The following RTEL1 variants were observed in gnomAD, a reference collection of about 807,000 sequenced individuals.
RTEL1 encodes the protein regulator of telomere elongation helicase 1, also known as regulator of telomere length.
RTEL1 carries 86 observed loss-of-function variants against 162.2 expected under a neutral mutation model. The ratio of observed to expected loss-of-function variants is 0.53; its 90% CI spans 0.45 to 0.63. The LOEUF (loss-of-function observed/expected upper bound fraction) is 0.63. Ranked by LOEUF, RTEL1 falls within the 30% of genes least tolerant of loss-of-function variation. The pLI, the probability that RTEL1 is intolerant of heterozygous loss-of-function variation, is 0.00. For synonymous variants in RTEL1, 958 were observed against 717.9 expected, an observed-to-expected ratio of 1.33 and a Z score of -5.35; for missense variants, 1,941 against 1,750.2, an observed-to-expected ratio of 1.11 and a Z score of -1.95.
chr20:63,693,276 C>T lies in RTEL1; in HGVS notation c.2985C>T (p.Asp995=), dbSNP rs762474261. 13 of 1,611,620 alleles carry T rather than the reference C, an allele frequency of 8.1e-6. No individual in the cohort carries two copies. The South Asian group carries it at 1.1e-4, about 14-fold the overall frequency. Residue 995 remains aspartate (D), a synonymous_variant, in exon 30 of 35, where the codon GAC becomes GAT. Coordinates refer to ENST00000360203, the MANE Select transcript of RTEL1 (RefSeq NM_001283009.2). Reference sequence around the variant, plus strand: ...GGCAGCGGGCACAGCCGGTCCTGGACCCCACTGGTAAATGGGGCCCCAGGT... The same window carrying T: ...GGCAGCGGGCACAGCCGGTCCTGGATCCCACTGGTAAATGGGGCCCCAGGT... ...PRRQRAQPVL[D]PTGRTAPDPK...
intron 14 of RTEL1, chr20:63,681,560 G>T: frequency 1.0e-6 from 1 of 985,298 alleles, no homozygotes; most frequent in Non-Finnish European, 1.2e-6. Context: ...TGCTTGAGCT[G>T]GGGGAGGCCG....
At chr20:63,693,053 C>A (rs371604935) in intron 29 of RTEL1, 50 bp downstream of exon 29, 5 of 1,609,718 alleles carry the variant, frequency 3.1e-6, no homozygotes, top group Non-Finnish European at 4.2e-6. Context: ...GCTGCCGCCG[C>A]GTGTGGGGTG....
chr20:63,677,042 G>C (rs35902944), intron 10 of RTEL1, among the ~76,000 whole-genome samples: 32,031 of 85,718 alleles, frequency 0.37, 3,687 homozygotes, highest in East Asian at 0.49. Flanking sequence ...CTCAGTTGCT[G>C]CACCTTGAGG....
chr20:63,694,402 T>G lies in RTEL1; in HGVS notation c.3023T>G (p.Val1008Gly), dbSNP rs2090912877. ...GRTAPDPKLT[V>G]STAAAQQLDP... ...ACGGCGCCGGATCCCAAGCTGACCG[T>G]GTCCACGGCTGCAGCCCAGCAGCTG... Residue 1008 changes from valine (V) to glycine (G), a missense_variant, in exon 31 of 35, where the codon GTG becomes GGG. Val to Gly is a moderately radical substitution (Grantham distance 109). Coordinates refer to ENST00000360203, the MANE Select transcript of RTEL1 (RefSeq NM_001283009.2). 6.2e-7 allele frequency: 1 copy of G among 1,611,448 alleles called. No homozygotes were observed. Among genetic ancestry groups the G allele is most frequent in the Non-Finnish European group, 8.5e-7 (1 of 1,179,356 alleles).
In RTEL1 at chr20:63,685,583, T is replaced by C; in HGVS notation, c.1252T>C (p.Leu418=). Residue 418 remains leucine (L), a synonymous_variant, in exon 15 of 35, where the codon TTA becomes CTA. Coordinates refer to ENST00000360203, the MANE Select transcript of RTEL1 (RefSeq NM_001283009.2). ...TGGTTCCCCAGCAGGGCTGGGGGCC[T>C]TACAGTCCTATAAGGTAGGGGCCAC... The part of the protein sequence containing the change: ...SPGSPAGLGA[L]QSYKVHIHPD... 6.2e-7 allele frequency: 1 copy of C among 1,611,750 alleles called. No individual in the cohort carries two copies. The highest frequency in any genetic ancestry group is 1.3e-5 in the African/African-American group (1 of 75,000).
At position 63,685,570 on chromosome 20, in the gene RTEL1, A is replaced by G. The variant is rs745951995; in HGVS notation, c.1239A>G (p.Ala413=). The change falls in exon 15 of 35, where the codon GCA becomes GCG. Residue 413 remains alanine (A), a synonymous_variant. Coordinates refer to ENST00000360203, the MANE Select transcript of RTEL1 (RefSeq NM_001283009.2). Reference sequence around the variant, plus strand: ...CCGAGGGCAGCCCTGGTTCCCCAGCAGGGCTGGGGGCCTTACAGTCCTATA... The same window carrying G: ...CCGAGGGCAGCCCTGGTTCCCCAGCGGGGCTGGGGGCCTTACAGTCCTATA... The part of the protein sequence containing the change: ...DPSEGSPGSP[A]GLGALQSYKV... 1.1e-5 allele frequency: 17 copies of G among 1,612,316 alleles called. No individual in the cohort carries two copies. Among genetic ancestry groups the G allele is most frequent in the Non-Finnish European group, 2.5e-6 (3 of 1,179,774 alleles).
intron 30 of RTEL1, among the ~76,000 whole-genome samples, 200 bp downstream of exon 30, chr20:63,693,483 A>ACCTCCACCTCCACCACGT (rs1568720180): frequency 5.6e-5 from 2 of 35,850 alleles, no homozygotes; most frequent in Admixed American, 3.0e-4. Context: ...CTCCACCTCC[A>ACCTCCACCTCCACCACGT]CCACCACCTC....
At chr20:63,665,398 TC>T (rs2090106621) in intron 6 of RTEL1, 1 of 152,686 alleles carries the variant, frequency 6.5e-6, no homozygotes, top group African/African-American at 2.4e-5. Context: ...GGGCAGGACA[TC>T]CCCCAGACTC....
rs542270397 is a variant in RTEL1, at chr20:63,688,396, C to G, written c.1722+10C>G. The G allele has an allele frequency of 1.1e-5, 17 of 1,612,342 alleles. No homozygotes were observed. In the East Asian group the frequency reaches 3.3e-4, roughly 32 times the overall value. On this transcript the variant is annotated intron_variant, in intron 20 of 34. Coordinates refer to ENST00000360203, the MANE Select transcript of RTEL1 (RefSeq NM_001283009.2). ...CCTGGAGTTCTGGCGGGTGCGTCTC[C>G]CCTGTGTTCTGGGCGGGGTGGGTGA... is the stretch of plus-strand genomic sequence containing the variant.
At position 63,690,392 on chromosome 20, in the gene RTEL1, A is replaced by C; in HGVS notation, c.2364A>C (p.Lys788Asn). Residue 788 changes from lysine (K) to asparagine (N), a missense_variant, in exon 26 of 35, where the codon AAA (lysine) becomes AAC (asparagine). Coordinates refer to ENST00000360203, the MANE Select transcript of RTEL1 (RefSeq NM_001283009.2). ...KSPGPFFSTR[K>N]AKSLDLHVPS... Reference sequence around the variant, plus strand: ...CTGGCCCCTTCTTCTCCACCAGGAAAGCTAAGAGTCTGGACCTGCATGTCC... The same window carrying C: ...CTGGCCCCTTCTTCTCCACCAGGAACGCTAAGAGTCTGGACCTGCATGTCC... 1 of 1,610,344 alleles carries C rather than the reference A, an allele frequency of 6.2e-7. No homozygotes were observed. The highest frequency in any genetic ancestry group is 8.5e-7 in the Non-Finnish European group (1 of 1,178,640).
chr20:63,664,324 T>C (rs1159930793), intron 6 of RTEL1, among the ~76,000 whole-genome samples: 1 of 151,652 alleles, frequency 6.6e-6, no homozygotes, highest in Non-Finnish European at 1.5e-5. Flanking sequence ...GCAGCGGGGG[T>C]CCTTGGGATA....
intron 16 of RTEL1, 122 bp downstream of exon 16, chr20:63,685,994 C>T: frequency 1.1e-6 from 1 of 884,540 alleles, no homozygotes; most frequent in East Asian, 2.6e-5. Context: ...GCCACCTTCT[C>T]CATATCCAGG....
intron 22 of RTEL1, 137 bp from the exon 23 acceptor site, chr20:63,689,365 G>A: frequency 2.8e-6 from 3 of 1,065,344 alleles, no homozygotes; most frequent in East Asian, 2.6e-5. Flanking sequence ...GACCCCAAGT[G>A]GGGTCCTGAC....
chr20:63,688,437 A>G (rs751591859), intron 20 of RTEL1, 51 bp downstream of exon 20: 1 of 1,606,592 alleles, frequency 6.2e-7, no homozygotes. Flanking sequence ...GGGCTGGAGC[A>G]TGAAGCAGGC....
chr20:63,669,405 A>G, intron 8 of RTEL1, among the ~76,000 whole-genome samples: 1 of 152,366 alleles, frequency 6.6e-6, no homozygotes, highest in Non-Finnish European at 1.5e-5. Context: ...GGCACTAGCC[A>G]TGAAGAAAAA....
At chr20:63,685,249 TGGC>T (rs1418454280) in intron 14 of RTEL1, among the ~76,000 whole-genome samples, 3 of 152,114 alleles carry the variant, frequency 2.0e-5, no homozygotes, top group African/African-American at 7.2e-5. Context: ...CTGGGCCAGT[TGGC>T]GGGAGGAGAG....
rs2089971011 is a variant in RTEL1, at chr20:63,659,286, C to T, written c.-117C>T. On this transcript the variant is annotated 5_prime_UTR_variant, in exon 2 of 35. Transcript: ENST00000360203. ...ACAGCGTTGTGTCCCAGTGCACATG[C>T]TCGCATCGCTTACCAGGAGTGCCCG... is the stretch of plus-strand genomic sequence containing the variant. The T allele has an allele frequency of 4.2e-6, 3 of 712,766 alleles. No homozygotes were observed. The highest frequency in any genetic ancestry group is 5.1e-6 in the Non-Finnish European group (2 of 388,538). 44.2% of individuals were successfully genotyped at this position (712,766 alleles called of 1,614,324 possible).
At chr20:63,686,337 C>A in intron 16 of RTEL1, 1 of 203,174 alleles carries the variant, frequency 4.9e-6, no homozygotes, top group Non-Finnish European at 1.0e-5. Flanking sequence ...TTCTTGGCTT[C>A]CTGTGCTCCG....
In RTEL1 at chr20:63,696,015, G is replaced by C; in HGVS notation, c.*157G>C. On this transcript the variant is annotated 3_prime_UTR_variant, in exon 35 of 35. Coordinates refer to ENST00000360203, the MANE Select transcript of RTEL1 (RefSeq NM_001283009.2). Reference sequence around the variant, plus strand: ...CAGGCGGGGCCCATGGTTGGTCCCTGCGGTGGGACCGGATCTGGGCCTGCC... The same window carrying C: ...CAGGCGGGGCCCATGGTTGGTCCCTCCGGTGGGACCGGATCTGGGCCTGCC... 1 of 709,924 alleles carries C rather than the reference G, an allele frequency of 1.4e-6. No homozygotes were observed. The highest frequency in any genetic ancestry group is 2.3e-6 in the Non-Finnish European group (1 of 434,466). The allele number at this position is 709,924 out of a possible 1,614,324, so 44.0% of individuals were successfully genotyped here.
Sources: allele counts gnomAD v4.1 joint callset (sites outside exome capture counted in the v4.1 genomes callset), GRCh38; gene constraint gnomAD v4.1.1; transcripts MANE v1.5; gene names NCBI Gene and HGNC (gene_info 2026-07-23, HGNC 2026-07-21).